CAST: variants seen among roughly 807,000 people sequenced by gnomAD.
The protein encoded by CAST is calpastatin.
In CAST, 76 loss-of-function variants were observed where a neutral mutation model predicts 119.6. The ratio of observed to expected loss-of-function variants is 0.64; its 90% confidence interval spans 0.53 to 0.77. The LOEUF (loss-of-function observed/expected upper bound fraction) is 0.77, where lower values mean the gene tolerates loss of function less well. CAST is among the 30% of genes least tolerant of loss of function. The pLI is 0.00. For synonymous variants in CAST, 319 were observed against 331.6 expected (o/e 0.96, Z 0.41); for missense variants, 953 against 946.5 (o/e 1.01, Z -0.09).
chr5:96,460,675 G>A, the CAST span, among the ~76,000 whole-genome samples: 5 of 152,034 alleles, frequency 3.3e-5, no homozygotes, highest in African/African-American at 1.2e-4. Context: ...ACAATGGAGT[G>A]GAAGAAATCA....
chr5:96,607,567 G>T (rs1747282511), intron 1 of CAST, among the ~76,000 whole-genome samples: 1 of 151,192 alleles, frequency 6.6e-6, no homozygotes. Context: ...ATATTAATAT[G>T]ATATAACTAC....
chr5:96,186,061 T>C, the CAST span, among the ~76,000 whole-genome samples: 1 of 152,214 alleles, frequency 6.6e-6, no homozygotes, highest in Non-Finnish European at 1.5e-5. Flanking sequence ...TAAAAGGTCC[T>C]TCACTTCCCA....
chr5:96,679,712 C>T (rs1751118857), intron 2 of CAST: 1 of 152,170 alleles, frequency 6.6e-6, no homozygotes, highest in African/African-American at 2.4e-5. Flanking sequence ...TTTCCTTACT[C>T]TAATGGCATT....
the CAST span, chr5:96,395,108 A>G: frequency 9.2e-7 from 1 of 1,081,330 alleles, no homozygotes; most frequent in Non-Finnish European, 1.4e-6. Context: ...AAAGGATTTC[A>G]TTGTTAAAAT....
At chr5:95,999,493 G>A in the CAST span, among the ~76,000 whole-genome samples, 1 of 152,108 alleles carries the variant, frequency 6.6e-6, no homozygotes, top group East Asian at 1.9e-4. Context: ...GGGACCACAG[G>A]CACCGGTCAC....
chr5:95,990,527 T>C, the CAST span, among the ~76,000 whole-genome samples: 1 of 152,074 alleles, frequency 6.6e-6, no homozygotes. Context: ...ACATCTACAG[T>C]CCCACCAGTC....
chr5:96,121,947 C>T, the CAST span, among the ~76,000 whole-genome samples: 1 of 149,888 alleles, frequency 6.7e-6, no homozygotes. Flanking sequence ...AAATTTAGTT[C>T]ATTCTTTCAG....
the CAST span, among the ~76,000 whole-genome samples, chr5:96,131,911 A>G: frequency 1.2e-4 from 19 of 152,210 alleles, no homozygotes; most frequent in African/African-American, 4.6e-4. Context: ...GTCTGAAACC[A>G]GTTCAATCAG....
At chr5:96,031,708 T>A in the CAST span, among the ~76,000 whole-genome samples, 4 of 152,158 alleles carry the variant, frequency 2.6e-5, no homozygotes, top group Admixed American at 6.6e-5. Flanking sequence ...TAGAGGCAAA[T>A]GTCTACTGTT....
At chr5:96,762,819 C>T (rs373970697) in intron 25 of CAST, 22 of 271,472 alleles carry the variant, frequency 8.1e-5, no homozygotes, top group Non-Finnish European at 1.4e-4. Context: ...ATTTTACAAA[C>T]GTCATGGAAT....
the CAST span, chr5:96,318,690 T>A: frequency 2.0e-5 from 3 of 152,188 alleles, no homozygotes; most frequent in South Asian, 6.2e-4. Context: ...AAATTCTCAA[T>A]GTCCCCCTTG....
intron 3 of CAST, among the ~76,000 whole-genome samples, chr5:96,697,434 T>C (rs1581008680): frequency 6.6e-6 from 1 of 152,292 alleles, no homozygotes; most frequent in East Asian, 1.9e-4. Context: ...CCCAAACCAA[T>C]AATCAGCTGA....
chr5:96,575,133 G>A (rs1346318536), intron 1 of CAST, among the ~76,000 whole-genome samples: 1 of 151,912 alleles, frequency 6.6e-6, no homozygotes, highest in Admixed American at 6.5e-5. Context: ...AAAATATTTT[G>A]TCAAATGTAT....
intron 1 of CAST, among the ~76,000 whole-genome samples, chr5:96,652,345 G>GA: frequency 6.6e-6 from 1 of 152,288 alleles, no homozygotes; most frequent in East Asian, 1.9e-4. Flanking sequence ...ACACGTTAGG[G>GA]AAAAATGTAG....
chr5:96,317,967 T>C, the CAST span, among the ~76,000 whole-genome samples: 1 of 152,168 alleles, frequency 6.6e-6, no homozygotes, highest in Non-Finnish European at 1.5e-5. Context: ...TTATTCCCAA[T>C]CCATAATGCT....
chr5:96,570,903 T>G (rs1746556047), intron 1 of CAST, among the ~76,000 whole-genome samples: 1 of 152,168 alleles, frequency 6.6e-6, no homozygotes, highest in Non-Finnish European at 1.5e-5. Flanking sequence ...CAATCCAATG[T>G]GAATTCCTCT....
At chr5:96,398,932 G>A in the CAST span, 1 of 1,613,344 alleles carries the variant, frequency 6.2e-7, no homozygotes. Context: ...ATATTCAATT[G>A]TTGCTTCAAA....
At chr5:95,977,327 C>A in the CAST span, among the ~76,000 whole-genome samples, 1 of 152,226 alleles carries the variant, frequency 6.6e-6, no homozygotes, top group Admixed American at 6.5e-5. Flanking sequence ...CTACCTCAAG[C>A]CATTTTGTAA....
At chr5:96,491,026 A>T in the CAST span, among the ~76,000 whole-genome samples, 2 of 152,194 alleles carry the variant, frequency 1.3e-5, no homozygotes, top group African/African-American at 4.8e-5. Flanking sequence ...TCTTATAATC[A>T]ATAAGGAAAA....
Sources: gnomAD v4.1 joint callset for allele counts (sites outside exome capture counted in the v4.1 genomes callset) on GRCh38, gnomAD v4.1.1 for gene constraint, MANE v1.5 for transcripts, NCBI Gene and HGNC (gene_info 2026-07-23, HGNC 2026-07-21) for gene names.